The following OSBPL1A variants were observed in gnomAD, a reference collection of about 807,000 sequenced individuals.
OSBPL1A encodes the protein oxysterol-binding protein-related protein 1.
In OSBPL1A, 80 loss-of-function variants were observed where a neutral mutation model predicts 137.1. That is an observed-to-expected ratio of 0.58 (90% CI 0.49 to 0.70). OSBPL1A has a LOEUF of 0.70. OSBPL1A is among the 30% of genes least tolerant of loss of function. OSBPL1A has a pLI of 0.00. For synonymous variants in OSBPL1A, 365 were observed against 389.7 expected (o/e 0.94, Z 0.75); for missense variants, 970 against 1,129.4 (o/e 0.86, Z 2.02).
chr18:24,277,280 G>C (rs1304496332), intron 15 of OSBPL1A, among the ~76,000 whole-genome samples: 1 of 142,424 alleles, frequency 7.0e-6, no homozygotes, highest in Non-Finnish European at 1.6e-5. Context: ...GTCTGACAAG[G>C]GCTTGTAAAA....
chr18:24,348,004 T>C (rs2091375431), intron 4 of OSBPL1A, among the ~76,000 whole-genome samples: 1 of 152,102 alleles, frequency 6.6e-6, no homozygotes, highest in Non-Finnish European at 1.5e-5. Flanking sequence ...GTTGATATAC[T>C]GTTATAGAGA....
chr18:24,220,463 C>A (rs2087853397), intron 17 of OSBPL1A, among the ~76,000 whole-genome samples: 1 of 152,148 alleles, frequency 6.6e-6, no homozygotes, highest in Non-Finnish European at 1.5e-5. Flanking sequence ...AGGCAGGGAG[C>A]CGGGAGATAA....
Position 24,318,741 on chromosome 18 carries a change from T to A in OSBPL1A, c.687+7A>T. 6.2e-7 allele frequency: 1 copy of A among 1,611,450 alleles called. No individual in the cohort carries two copies. The highest frequency in any genetic ancestry group is 1.1e-5 in the South Asian group (1 of 90,916). On this transcript the variant is annotated splice_region_variant and intron_variant, in intron 8 of 27. Coordinates refer to ENST00000319481, the MANE Select transcript of OSBPL1A (RefSeq NM_080597.4). ...TTATTAGATAAATTTAATTCATTAC[T>A]CTGTACCTTATTACCAACAAGAATG...
intron 17 of OSBPL1A, among the ~76,000 whole-genome samples, chr18:24,209,372 G>A (rs369132246): frequency 2.6e-5 from 4 of 152,314 alleles, no homozygotes; most frequent in South Asian, 4.1e-4. Context: ...AAGGTACCAT[G>A]TCATACCTAC....
chr18:24,299,271 T>A (rs1424743124), intron 14 of OSBPL1A, among the ~76,000 whole-genome samples: 1 of 152,220 alleles, frequency 6.6e-6, no homozygotes. Context: ...GTATTCATCA[T>A]GTTAGTCGAT....
intron 18 of OSBPL1A, among the ~76,000 whole-genome samples, chr18:24,193,748 C>T (rs2145941421): frequency 6.6e-6 from 1 of 152,270 alleles, no homozygotes; most frequent in Admixed American, 6.5e-5. Flanking sequence ...ACGACTTCCC[C>T]TGAAGCTCTC....
chr18:24,263,959 A>G (rs942050714), intron 15 of OSBPL1A, among the ~76,000 whole-genome samples: 2 of 152,130 alleles, frequency 1.3e-5, no homozygotes, highest in African/African-American at 4.8e-5. Flanking sequence ...TTTAACAACT[A>G]TTTACTTAAT....
intron 7 of OSBPL1A, among the ~76,000 whole-genome samples, chr18:24,329,847 T>C (rs1485822196): frequency 2.6e-5 from 4 of 152,144 alleles, no homozygotes; most frequent in South Asian, 2.1e-4. Flanking sequence ...AATCTTACTA[T>C]GGTAAGCTCA....
At chr18:24,230,859 G>A (rs2088251345) in intron 16 of OSBPL1A, among the ~76,000 whole-genome samples, 1 of 152,170 alleles carries the variant, frequency 6.6e-6, no homozygotes. Context: ...GTAATGACGG[G>A]AAATGGAATA....
intron 17 of OSBPL1A, among the ~76,000 whole-genome samples, chr18:24,214,659 T>C (rs1260408269): frequency 2.0e-5 from 3 of 152,200 alleles, no homozygotes; most frequent in Non-Finnish European, 4.4e-5. Context: ...TTGTTGATCG[T>C]TGAATGTAAC....
chr18:24,338,760 C>G (rs1049020652), intron 5 of OSBPL1A, among the ~76,000 whole-genome samples: 1 of 152,202 alleles, frequency 6.6e-6, no homozygotes, highest in African/African-American at 2.4e-5. Flanking sequence ...GTCACCCAGG[C>G]TGGACCACAC....
chr18:24,180,845 C>A (rs946451795), intron 19 of OSBPL1A, among the ~76,000 whole-genome samples: 1 of 152,066 alleles, frequency 6.6e-6, no homozygotes, highest in African/African-American at 2.4e-5. Context: ...CCACTGCACT[C>A]CAGCCTGGGC....
rs2089707906 is a variant in OSBPL1A at position 24,271,117 on chromosome 18, A to C, written c.1281+9725T>G. Among the ~76,000 whole-genome samples the C allele has an allele frequency of 6.6e-6, 1 of 152,176 alleles. No homozygotes were observed. The highest frequency in any genetic ancestry group is 1.5e-5 in the Non-Finnish European group (1 of 68,030). ...AAAAGCCACCTCCCCATTCCCCAACACAAATAGAATTTCCCTTTCTCTCCT... is the reference window on the plus strand; with the variant it reads ...AAAAGCCACCTCCCCATTCCCCAACCCAAATAGAATTTCCCTTTCTCTCCT... On this transcript the variant is annotated intron_variant, in intron 15 of 27. Coordinates refer to ENST00000319481, the MANE Select transcript of OSBPL1A (RefSeq NM_080597.4). This position sits in a 1 kb window ranked among gnomAD's most constrained non-coding sequence, Gnocchi z 4.0.
chr18:24,222,260 T>TA (rs2087917359), intron 17 of OSBPL1A, among the ~76,000 whole-genome samples: 1 of 152,168 alleles, frequency 6.6e-6, no homozygotes, highest in Admixed American at 6.5e-5. Context: ...GGTTTACTCC[T>TA]TTAATCTATT....
chr18:24,210,460 C>CA (rs1007807256), intron 17 of OSBPL1A, among the ~76,000 whole-genome samples: 4 of 149,948 alleles, frequency 2.7e-5, no homozygotes, highest in Non-Finnish European at 4.5e-5. Context: ...AAACAAAAAA[C>CA]AAAAAAAACC....
intron 17 of OSBPL1A, among the ~76,000 whole-genome samples, chr18:24,208,862 T>C (rs1235448209): frequency 6.6e-6 from 1 of 152,212 alleles, no homozygotes; most frequent in Non-Finnish European, 1.5e-5. Context: ...AATTAAAATG[T>C]TGCATCACTG....
chr18:24,192,243 G>A (rs1408787337), intron 18 of OSBPL1A, among the ~76,000 whole-genome samples: 2 of 152,134 alleles, frequency 1.3e-5, no homozygotes, highest in African/African-American at 4.8e-5. Flanking sequence ...ACCTCTGGCT[G>A]AGCCCTGCTG....
At chr18:24,200,604 G>T (rs75266721) in intron 17 of OSBPL1A, among the ~76,000 whole-genome samples, 1 of 150,996 alleles carries the variant, frequency 6.6e-6, no homozygotes, top group Admixed American at 6.6e-5. Flanking sequence ...TTTCTCAGTC[G>T]TACTACCCAG....
intron 16 of OSBPL1A, among the ~76,000 whole-genome samples, chr18:24,228,676 G>A (rs1029857122): frequency 2.0e-5 from 3 of 152,198 alleles, no homozygotes; most frequent in Admixed American, 1.3e-4. Flanking sequence ...TTACAGAGTG[G>A]AGAATGTTGT....
Sources: allele counts gnomAD v4.1 joint callset (sites outside exome capture counted in the v4.1 genomes callset), GRCh38; gene constraint gnomAD v4.1.1; non-coding constraint Gnocchi (gnomAD v3.1); transcripts MANE v1.5; gene names NCBI Gene and HGNC (gene_info 2026-07-23, HGNC 2026-07-21).